NME5: variants seen among roughly 807,000 people sequenced by gnomAD.
NME5 encodes the protein NME/NM23 family member 5, also known as nucleoside diphosphate kinase 5.
Under a neutral mutation model 21.6 loss-of-function variants are expected in NME5, and 18 were observed. That is an observed-to-expected ratio of 0.83 (90% CI 0.58 to 1.24). NME5 has a LOEUF of 1.24. NME5 is among the 50% of genes most tolerant of loss of function. NME5 has a pLI of 0.00. For missense variants in NME5, 223 were observed against 255.4 expected (o/e 0.87, Z 0.86); for synonymous variants, 70 against 80.6 (o/e 0.87, Z 0.71).
chr5:138,135,132 C>A (rs1751666761), intron 2 of NME5, among the ~76,000 whole-genome samples: 3 of 148,788 alleles, frequency 2.0e-5, no homozygotes, highest in African/African-American at 7.3e-5. Context: ...TCCGGGCTAA[C>A]ACAGTGAAAC....
chr5:138,118,791 T>TTAAG lies in NME5; in HGVS notation c.555+23_555+26dup. 2.0e-6 allele frequency: 3 copies of TTAAG among 1,468,640 alleles called. No homozygotes were observed. The East Asian group carries it at 6.8e-5, about 33-fold the overall frequency. The allele number at this position is 1,468,640 out of a possible 1,614,324, so 91.0% of individuals were successfully genotyped here. On this transcript the variant is annotated intron_variant, in intron 5 of 5. Coordinates refer to ENST00000265191, the MANE Select transcript of NME5 (RefSeq NM_003551.3). ...GCCACCACGCCTGGTGACAATATTC[T>TTAAG]TAAGTGTGAATAAAAATATTTCTTA...
chr5:138,131,450 G>A lies in NME5; in HGVS notation c.130-1982C>T, dbSNP rs1751565438. Among the ~76,000 whole-genome samples the A allele has an allele frequency of 1.3e-5, 2 of 151,642 alleles. 1 individual carries two copies. Among genetic ancestry groups the A allele is most frequent in the South Asian group, 4.2e-4 (2 of 4,806 alleles). ...TGTAATCCCAGCTACTCAGGAGGCT[G>A]AAGCATGAGAATTGCTTGAACCCAG... On this transcript the variant is annotated intron_variant, in intron 2 of 5. Transcript: ENST00000265191.
chr5:138,138,752 A>G lies in NME5; in HGVS notation c.29T>C (p.Ile10Thr), dbSNP rs1269906540. The G allele has an allele frequency of 6.2e-7, 1 of 1,612,536 alleles. No individual in the cohort carries two copies. Among genetic ancestry groups the G allele is most frequent in the African/African-American group, 1.3e-5 (1 of 74,798 alleles). Residue 10 changes from isoleucine (I) to threonine (T), a missense_variant, in exon 2 of 6, where the codon ATA becomes ACA. Transcript: ENST00000265191. MEISMPPPQ[I>T]YVEKTLAIIK... is the part of the protein sequence containing the mutation. ...AATGGCCAGAGTTTTTTCTACATAT[A>G]TCTGAGGTGGAGGCATTGATATCTC...
Position 138,115,688 on chromosome 5 carries a change from G to C in NME5, c.632C>G (p.Pro211Arg). ...CTTTCGAGGATTTTTTTTTTAATAA[G>C]GTTCTTCTACAATTGGATGGTGACA... ...KLCHHPIVEE[P>R]Y The change falls in exon 6 of 6, where the codon CCT (proline) becomes CGT (arginine). Residue 211 changes from proline to arginine, a missense_variant. Coordinates refer to ENST00000265191, the MANE Select transcript of NME5 (RefSeq NM_003551.3). 6.4e-7 allele frequency: 1 copy of C among 1,554,014 alleles called. No individual in the cohort carries two copies. The highest frequency in any genetic ancestry group is 8.6e-7 in the Non-Finnish European group (1 of 1,156,730).
chr5:138,128,433 A>C (rs772838818), intron 4 of NME5, 46 bp downstream of exon 4: 15 of 1,363,358 alleles, frequency 1.1e-5, no homozygotes, highest in Non-Finnish European at 1.5e-5. Context: ...AAGAAAAAGC[A>C]AACAATAAGG....
chr5:138,126,672 G>T (rs1469436892), intron 4 of NME5, among the ~76,000 whole-genome samples: 4 of 151,888 alleles, frequency 2.6e-5, no homozygotes, highest in Admixed American at 6.6e-5. Flanking sequence ...GAGAAGTCAG[G>T]CATGATGGTT....
intron 2 of NME5, among the ~76,000 whole-genome samples, chr5:138,131,201 T>G (rs1466661422): frequency 8.7e-6 from 1 of 115,392 alleles, no homozygotes. Context: ...ACCCCGTCTC[T>G]GCTAAAAAAA....
At chr5:138,127,818 G>GA in intron 4 of NME5, 1 of 357,262 alleles carries the variant, frequency 2.8e-6, no homozygotes, top group Non-Finnish European at 3.9e-6. Context: ...GTTTCCTAGA[G>GA]AGACTATTTT....
intron 2 of NME5, among the ~76,000 whole-genome samples, chr5:138,134,133 CCAGA>C (rs760881853): frequency 1.3e-5 from 2 of 152,112 alleles, no homozygotes; most frequent in Admixed American, 1.3e-4. Flanking sequence ...AGTACATTGC[CCAGA>C]CAATCTCAGT....
Position 138,116,858 on chromosome 5 carries a change from C to G in NME5, c.556-1094G>C, listed in dbSNP as rs570366704. On this transcript the variant is annotated intron_variant, in intron 5 of 5. Transcript: ENST00000265191. ...AATAAAGTTGGACCCCTATACCACA[C>G]CATATACAAAAATGAACTCACAATG... Among the ~76,000 whole-genome samples, 4 of 152,098 alleles carry G rather than the reference C, an allele frequency of 2.6e-5. No individual in the cohort carries two copies. The East Asian group carries it at 7.7e-4, about 29-fold the overall frequency.
chr5:138,131,749 T>A lies in NME5; in HGVS notation c.130-2281A>T, dbSNP rs910940160. On this transcript the variant is annotated intron_variant, in intron 2 of 5. Transcript: ENST00000265191. ...TATTTTGAGTGCTTTTTTTTTTTTT[T>A]ATTTTTTTGAAACGGAGTTTTGCTC... Among the ~76,000 whole-genome samples, 15 of 151,872 alleles carry A rather than the reference T, an allele frequency of 9.9e-5. 1 individual carries two copies. The highest frequency in any genetic ancestry group is 4.2e-4 in the South Asian group (2 of 4,802).
rs1302985938 is a variant in NME5 at position 138,115,584 on chromosome 5, T to C, written c.*97A>G. 1.8e-5 allele frequency: 11 copies of C among 616,782 alleles called. No individual in the cohort carries two copies. Among genetic ancestry groups the C allele is most frequent in the East Asian group, 5.5e-5 (2 of 36,394 alleles). The allele number at this position is 616,782 out of a possible 1,614,324, so 38.2% of individuals were successfully genotyped here. A position where few individuals can be genotyped will look rare whatever the true frequency, so the allele number is the denominator to read the frequency against. ...TTAAGAAATAAATTTATTTTACTTG[T>C]AGTTACTTAAACCCTAGAAATAATT... On this transcript the variant is annotated 3_prime_UTR_variant, in exon 6 of 6. Transcript: ENST00000265191.
intron 4 of NME5, among the ~76,000 whole-genome samples, chr5:138,121,032 T>C (rs956574738): frequency 6.6e-6 from 1 of 151,982 alleles, no homozygotes; most frequent in Non-Finnish European, 1.5e-5. Context: ...CTATATAATA[T>C]ACATATATTA....
At chr5:138,117,346 AAAAT>A (rs1285615488) in intron 5 of NME5, among the ~76,000 whole-genome samples, 7 of 152,148 alleles carry the variant, frequency 4.6e-5, no homozygotes, top group East Asian at 1.9e-4. Context: ...AATAAAAGAA[AAAAT>A]AAATAAATTG....
intron 1 of NME5, chr5:138,139,034 C>T: frequency 3.5e-6 from 1 of 285,130 alleles, no homozygotes; most frequent in Non-Finnish European, 6.4e-6. Flanking sequence ...GCAGGAAGGA[C>T]TATGGGCTCA....
intron 4 of NME5, chr5:138,123,084 A>G (rs1370469456): frequency 6.6e-6 from 1 of 152,098 alleles, no homozygotes; most frequent in Non-Finnish European, 1.5e-5. Context: ...TATCGTTCCA[A>G]TTTTAGCATA....
At position 138,138,573 on chromosome 5, in the gene NME5, G is replaced by A. The variant is rs1751773161; in HGVS notation, c.129+79C>T. 3.2e-6 allele frequency: 4 copies of A among 1,244,222 alleles called. No individual in the cohort carries two copies. The South Asian group carries it at 5.3e-5, about 16-fold the overall frequency. The allele number at this position is 1,244,222 out of a possible 1,614,324, so 77.1% of individuals were successfully genotyped here. A position where few individuals can be genotyped will look rare whatever the true frequency, so the allele number is the denominator to read the frequency against. On this transcript the variant is annotated intron_variant, in intron 2 of 5. Transcript: ENST00000265191. ...AATGCTGAACACTAAGGGTTTAAAT[G>A]GGTAGGCACATTTACATAAGCATTT... is the stretch of plus-strand genomic sequence containing the variant.
intron 4 of NME5, among the ~76,000 whole-genome samples, chr5:138,126,729 C>T (rs188615911): frequency 1.4e-3 from 216 of 152,096 alleles, no homozygotes; most frequent in Middle Eastern, 3.4e-3. Context: ...AGCAGTATTG[C>T]TTGAGCCCAG....
chr5:138,138,956 G>T, intron 1 of NME5, 171 bp from the exon 2 acceptor site: 1 of 600,046 alleles, frequency 1.7e-6, no homozygotes. Context: ...CTATATACAG[G>T]GTCTCAATAA....
Sources: allele counts gnomAD v4.1 joint callset (sites outside exome capture counted in the v4.1 genomes callset), GRCh38; gene constraint gnomAD v4.1.1; transcripts MANE v1.5; gene names NCBI Gene and HGNC (gene_info 2026-07-23, HGNC 2026-07-21).